Variants in LMOD1 observed in about 807,000 individuals in gnomAD.
The protein encoded by LMOD1 is leiomodin-1.
Under a neutral mutation model 36.5 loss-of-function variants are expected in LMOD1, and 8 were observed. The observed-to-expected ratio is 0.22, with a 90% CI of 0.13 to 0.40. LMOD1 has a LOEUF of 0.40. Ranked by LOEUF, LMOD1 falls within the 10% of genes least tolerant of loss-of-function variation. The pLI is 1.00. For missense variants in LMOD1, 630 were observed against 751.1 expected (o/e 0.84, Z 1.88); for synonymous variants, 284 against 288.7 (o/e 0.98, Z 0.17).
intron 1 of LMOD1, among the ~76,000 whole-genome samples, chr1:201,927,043 T>C (rs191233747): frequency 1.3e-5 from 2 of 152,346 alleles, no homozygotes; most frequent in Admixed American, 6.5e-5. Flanking sequence ...TTTTCCCACG[T>C]TTTGCATACT....
chr1:201,901,577 T>TAC (rs1339695671), intron 1 of LMOD1, among the ~76,000 whole-genome samples: 1 of 28,086 alleles, frequency 3.6e-5, no homozygotes, highest in African/African-American at 1.2e-4. Flanking sequence ...TATATATATA[T>TAC]ATATATACAT....
At chr1:201,909,464 T>C (rs1037584244) in intron 1 of LMOD1, among the ~76,000 whole-genome samples, 1 of 152,208 alleles carries the variant, frequency 6.6e-6, no homozygotes, top group Non-Finnish European at 1.5e-5. Flanking sequence ...CAGGCTGGTC[T>C]CAAACTCCTG....
intron 1 of LMOD1, among the ~76,000 whole-genome samples, chr1:201,925,692 T>C (rs1571586982): frequency 6.7e-6 from 1 of 150,262 alleles, no homozygotes; most frequent in Middle Eastern, 3.4e-3. Flanking sequence ...AATCTCTTTC[T>C]CTTTTCTATT....
intron 1 of LMOD1, among the ~76,000 whole-genome samples, chr1:201,929,492 G>T (rs969957662): frequency 2.8e-4 from 42 of 152,146 alleles, no homozygotes; most frequent in African/African-American, 9.7e-4. Flanking sequence ...GGGAAATATG[G>T]CAGTGATCTA....
intron 1 of LMOD1, among the ~76,000 whole-genome samples, chr1:201,943,084 C>T (rs557025754): frequency 3.9e-5 from 6 of 152,296 alleles, no homozygotes; most frequent in African/African-American, 1.4e-4. Context: ...ACTATTATAT[C>T]AGCCAATATA....
intron 2 of LMOD1, among the ~76,000 whole-genome samples, chr1:201,898,763 A>G (rs1187792153): frequency 1.3e-5 from 2 of 152,144 alleles, no homozygotes; most frequent in African/African-American, 2.4e-5. Flanking sequence ...GGCACTGGCT[A>G]GGCAAAGGTA....
chr1:201,917,274 A>G (rs2047264), intron 1 of LMOD1, among the ~76,000 whole-genome samples: 66,524 of 152,062 alleles, frequency 0.44, 15,838 homozygotes, highest in East Asian at 0.81. Flanking sequence ...AGCCATCAAG[A>G]GGCACCAGAA....
intron 1 of LMOD1, among the ~76,000 whole-genome samples, chr1:201,901,536 A>ATATATATATATATATATATG (rs1681306200): frequency 2.2e-5 from 1 of 44,588 alleles, no homozygotes; most frequent in Admixed American, 3.1e-4. Flanking sequence ...ATATGTATAT[A>ATATATATATATATATATATG]TATATATATA....
chr1:201,945,621 TG>T (rs1682199438), intron 1 of LMOD1, among the ~76,000 whole-genome samples: 1 of 152,168 alleles, frequency 6.6e-6, no homozygotes, highest in Non-Finnish European at 1.5e-5. Flanking sequence ...CCCATAGGGT[TG>T]GGGACTTGAA....
chr1:201,909,755 G>C (rs1288930169), intron 1 of LMOD1, among the ~76,000 whole-genome samples: 1 of 152,174 alleles, frequency 6.6e-6, no homozygotes, highest in Non-Finnish European at 1.5e-5. Flanking sequence ...CTCTCATCCA[G>C]TTATGCACTC....
At chr1:201,919,017 C>T (rs1016884690) in intron 1 of LMOD1, among the ~76,000 whole-genome samples, 3 of 151,914 alleles carry the variant, frequency 2.0e-5, no homozygotes, top group East Asian at 1.9e-4. Flanking sequence ...CTCAGCTTTC[C>T]GAGTATCTAG....
At position 201,896,626 on chromosome 1, in the gene LMOD1, T is replaced by C; in HGVS notation, c.*1746A>G. On this transcript the variant is annotated 3_prime_UTR_variant, in exon 3 of 3. Coordinates refer to ENST00000367288, the MANE Select transcript of LMOD1 (RefSeq NM_012134.3). ...CCAGTGCCCAGCAGGCACAGGGGGG[T>C]GCAGTGGGACTGACAGTGAGGGCTG... is the stretch of plus-strand genomic sequence containing the variant. 2 of 456,346 alleles carry C rather than the reference T, an allele frequency of 4.4e-6. No individual in the cohort carries two copies. Among genetic ancestry groups the C allele is most frequent in the Non-Finnish European group, 8.8e-6 (2 of 226,874 alleles). 28.3% of individuals were successfully genotyped at this position (456,346 alleles called of 1,614,324 possible). A position where few individuals can be genotyped will look rare whatever the true frequency, so the allele number is the denominator to read the frequency against.
intron 1 of LMOD1, among the ~76,000 whole-genome samples, chr1:201,904,426 T>A (rs899719395): frequency 2.0e-5 from 3 of 152,162 alleles, no homozygotes; most frequent in African/African-American, 7.2e-5. Context: ...GTCAGGCTGG[T>A]CCCGAACTCC....
At position 201,946,177 on chromosome 1, in the gene LMOD1, G is replaced by A. The variant is rs772555355; in HGVS notation, c.164C>T (p.Thr55Met). ...VPVGLRQRNQTEKQSTGVYNR... is the reference protein window; with the variant it reads ...VPVGLRQRNQMEKQSTGVYNR... ...GTACACACCCGTGGACTGTTTCTCC[G>A]TCTGGTTTCTCTGCCGCAGCCCCAC... Residue 55 changes from threonine (T) to methionine (M), a missense_variant, in exon 1 of 3, where the codon ACG (threonine) becomes ATG (methionine). Around this residue, in one of 3 missense-constraint regions of LMOD1, gnomAD observed 405 missense variants for 400.6 expected, o/e 1.01. Coordinates refer to ENST00000367288, the MANE Select transcript of LMOD1 (RefSeq NM_012134.3). 10 of 1,613,932 alleles carry A rather than the reference G, an allele frequency of 6.2e-6. No homozygotes were observed. Among genetic ancestry groups the A allele is most frequent in the Non-Finnish European group, 7.6e-6 (9 of 1,179,880 alleles).
chr1:201,922,755 T>C (rs902087755), intron 1 of LMOD1, among the ~76,000 whole-genome samples: 4 of 150,542 alleles, frequency 2.7e-5, no homozygotes, highest in African/African-American at 9.7e-5. Context: ...TACACTATTA[T>C]ATTCAGTATA....
intron 1 of LMOD1, among the ~76,000 whole-genome samples, chr1:201,901,536 A>ATATATATATACATATATATATG (rs1558234623): frequency 2.0e-4 from 9 of 44,606 alleles, no homozygotes; most frequent in African/African-American, 8.6e-4. Flanking sequence ...ATATGTATAT[A>ATATATATATACATATATATATG]TATATATATA....
chr1:201,914,220 C>T (rs1252452890), intron 1 of LMOD1, among the ~76,000 whole-genome samples: 2 of 152,208 alleles, frequency 1.3e-5, no homozygotes, highest in African/African-American at 4.8e-5. Context: ...CTCCCAGGTG[C>T]TGGGCTATCT....
At chr1:201,905,616 C>G (rs1453569869) in intron 1 of LMOD1, among the ~76,000 whole-genome samples, 2 of 152,220 alleles carry the variant, frequency 1.3e-5, no homozygotes, top group African/African-American at 2.4e-5. Context: ...CCCACTGATA[C>G]CTTGCCAGCC....
Position 201,900,096 on chromosome 1 carries a change from G to T in LMOD1, c.917C>A (p.Pro306Gln). The change falls in exon 2 of 3, where the codon CCG becomes CAG. Residue 306 changes from proline (P) to glutamine (Q), a missense_variant. By Grantham distance (76) the Pro-to-Gln change is moderately conservative. Around this residue, in one of 3 missense-constraint regions of LMOD1, gnomAD observed 405 missense variants for 400.6 expected, o/e 1.01. Coordinates refer to ENST00000367288, the MANE Select transcript of LMOD1 (RefSeq NM_012134.3). ...AGCTGCCTCCTCCTCCACCTTGGCC[G>T]GTCCTTCAGAGGGCTTGGTGGGGCC... ...PSGPTKPSEG[P>Q]AKVEEEAAPS... The T allele has an allele frequency of 6.2e-7, 1 of 1,613,896 alleles. No individual in the cohort carries two copies. Among genetic ancestry groups the T allele is most frequent in the African/African-American group, 1.3e-5 (1 of 75,018 alleles).
Sources: gnomAD v4.1 joint callset for allele counts (sites outside exome capture counted in the v4.1 genomes callset) on GRCh38, gnomAD v4.1.1 for gene constraint, gnomAD v4.1.1 regional missense constraint, MANE v1.5 for transcripts, NCBI Gene and HGNC (gene_info 2026-07-23, HGNC 2026-07-21) for gene names.